Variants in IL5 observed in about 807,000 individuals in gnomAD.
IL5 encodes interleukin 5.
A neutral mutation model predicts 16.3 loss-of-function variants in IL5; 12 were observed. The observed-to-expected ratio is 0.74, with a 90% CI of 0.47 to 1.20. IL5 has a LOEUF of 1.20. Among genes scored for constraint, IL5 ranks in the 50% most tolerant of loss-of-function variants. IL5 has a pLI of 0.00. For missense variants in IL5, 159 were observed against 153.9 expected, an observed-to-expected ratio of 1.03 and a Z score of -0.17; for synonymous variants, 54 against 56.6, an observed-to-expected ratio of 0.95 and a Z score of 0.21.
At chr5:132,554,658 G>T (rs1437568325) in intron 1 of IL5, among the ~76,000 whole-genome samples, 1 of 152,142 alleles carries the variant, frequency 6.6e-6, no homozygotes, top group African/African-American at 2.4e-5. Flanking sequence ...ATTAAAAATT[G>T]AATTACTGTA....
chr5:132,552,999 A>T (rs1486295674), intron 1 of IL5, among the ~76,000 whole-genome samples: 1 of 152,000 alleles, frequency 6.6e-6, no homozygotes, highest in Non-Finnish European at 1.5e-5. Context: ...GAATTTTTTT[A>T]TTATCTAATT....
At chr5:132,552,527 C>A (rs1158529427) in intron 1 of IL5, among the ~76,000 whole-genome samples, 2 of 152,006 alleles carry the variant, frequency 1.3e-5, no homozygotes, top group Non-Finnish European at 2.9e-5. Context: ...TTTATAGTTT[C>A]CATTGTTACA....
intron 1 of IL5, among the ~76,000 whole-genome samples, chr5:132,549,184 T>C (rs537465569): frequency 2.2e-4 from 34 of 152,268 alleles, no homozygotes; most frequent in Non-Finnish European, 4.1e-4. Context: ...GCTTCCTGAG[T>C]AGCTGGGATT....
At chr5:132,548,190 G>A (rs1339076108), upstream of IL5, among the ~76,000 whole-genome samples, 3 of 151,136 alleles carry the variant, frequency 2.0e-5, no homozygotes, top group Non-Finnish European at 2.9e-5. Context: ...GGGCCCAAGA[G>A]TTTAAGACTA....
rs1749689493 is a variant in IL5, at chr5:132,541,559, T to C, written c.*252A>G. ...TTAAGTTAACAGACATTTTACAGAA[T>C]GTTAAGTTAAATAAGAAAAAAGTAT... On this transcript the variant is annotated 3_prime_UTR_variant, in exon 4 of 4. Coordinates refer to ENST00000231454, the MANE Select transcript of IL5 (RefSeq NM_000879.3). The C allele has an allele frequency of 5.3e-6, 2 of 376,816 alleles. No homozygotes were observed. Among genetic ancestry groups the C allele is most frequent in the African/African-American group, 2.1e-5 (1 of 47,302 alleles). 23.3% of individuals were successfully genotyped at this position (376,816 alleles called of 1,614,324 possible). A position where few individuals can be genotyped will look rare whatever the true frequency, so the allele number is the denominator to read the frequency against.
chr5:132,549,067 T>C (rs1032468739), intron 1 of IL5, among the ~76,000 whole-genome samples: 4 of 152,078 alleles, frequency 2.6e-5, no homozygotes, highest in African/African-American at 9.7e-5. Context: ...GTCTTTTTCT[T>C]TTTTTTGAGA....
At chr5:132,549,194 T>G (rs567766856) in intron 1 of IL5, among the ~76,000 whole-genome samples, 2 of 152,300 alleles carry the variant, frequency 1.3e-5, no homozygotes, top group East Asian at 3.9e-4. Flanking sequence ...TAGCTGGGAT[T>G]ACAGGCACCT....
At position 132,543,422 on chromosome 5, in the gene IL5, G is replaced by A; in HGVS notation, c.57C>T (p.Ala19=). The change falls in exon 1 of 4, where the codon GCC becomes GCT. Residue 19 remains alanine (A), a synonymous_variant. Coordinates refer to ENST00000231454, the MANE Select transcript of IL5 (RefSeq NM_000879.3). ...LLALGAAYVY[A]IPTEIPTSAL... is the part of the protein sequence containing the mutation. ...CACTTGTGGGAATTTCTGTGGGGAT[G>A]GCATACACGTAGGCAGCTCCAAGAG... 1.9e-6 allele frequency: 3 copies of A among 1,614,114 alleles called. No individual in the cohort carries two copies. The highest frequency in any genetic ancestry group is 2.5e-6 in the Non-Finnish European group (3 of 1,179,970).
Position 132,543,224 on chromosome 5 carries a change from A to G in IL5, c.145-98T>C, listed in dbSNP as rs922313565. ...GTGATGTAGTTATCACCCATGTACTAATGTGCTCAGAATCTTATTATTTAT... is the reference window on the plus strand; with the variant it reads ...GTGATGTAGTTATCACCCATGTACTGATGTGCTCAGAATCTTATTATTTAT... On this transcript the variant is annotated intron_variant, in intron 1 of 3. Coordinates refer to ENST00000231454, the MANE Select transcript of IL5 (RefSeq NM_000879.3). 5 of 1,398,364 alleles carry G rather than the reference A, an allele frequency of 3.6e-6. No individual in the cohort carries two copies. In the African/African-American group the frequency reaches 7.2e-5, roughly 20 times the overall value. 86.6% of individuals were successfully genotyped at this position (1,398,364 alleles called of 1,614,324 possible).
At position 132,541,897 on chromosome 5, in the gene IL5, C is replaced by T; in HGVS notation, c.319G>A (p.Glu107Lys). ...AATTGGTTTACTCTCCGTCTTTCTTCTCCACACTTTTTCTGTGAAAAAAGA... is the reference window on the plus strand; with the variant it reads ...AATTGGTTTACTCTCCGTCTTTCTTTTCCACACTTTTTCTGTGAAAAAAGA... ...YIDGQKKKCG[E>K]ERRRVNQFLD... Residue 107 changes from glutamate to lysine, a missense_variant, in exon 4 of 4, where the codon GAA (glutamate) becomes AAA (lysine). Physicochemically the swap from Glu to Lys is moderately conservative, Grantham distance 56. Coordinates refer to ENST00000231454, the MANE Select transcript of IL5 (RefSeq NM_000879.3). 3 of 1,613,766 alleles carry T rather than the reference C, an allele frequency of 1.9e-6. No individual in the cohort carries two copies. Among genetic ancestry groups the T allele is most frequent in the Non-Finnish European group, 2.5e-6 (3 of 1,179,750 alleles).
chr5:132,552,208 GC>G (rs1187494428), intron 1 of IL5, among the ~76,000 whole-genome samples: 1 of 152,172 alleles, frequency 6.6e-6, no homozygotes, highest in Non-Finnish European at 1.5e-5. Flanking sequence ...GGCAGAGGTT[GC>G]AGTGAGCCGA....
At chr5:132,551,452 G>C (rs1749881303) in intron 1 of IL5, among the ~76,000 whole-genome samples, 1 of 152,100 alleles carries the variant, frequency 6.6e-6, no homozygotes, top group South Asian at 2.1e-4. Flanking sequence ...GTCTGTGTGG[G>C]GTTTCTCTGG....
chr5:132,543,241 A>G (rs566899580), intron 1 of IL5, 94 bp downstream of exon 1: 6 of 1,411,644 alleles, frequency 4.3e-6, no homozygotes, highest in South Asian at 1.2e-5. Context: ...TCAGAATCTT[A>G]TTATTTATAA....
At chr5:132,552,590 T>C (rs569671658) in intron 1 of IL5, among the ~76,000 whole-genome samples, 2 of 152,340 alleles carry the variant, frequency 1.3e-5, no homozygotes, top group Admixed American at 1.3e-4. Context: ...GTCCATTTTT[T>C]TCCTTCAACT....
In IL5 at chr5:132,555,958, T is replaced by C. The variant is rs1294248326; in HGVS notation, c.42+716A>G. On this transcript the variant is annotated intron_variant, in intron 1 of 2. Coordinates refer to the IL5 transcript ENST00000450655. ...GTTTTGTTCCATTAGTTATTTTAAC[T>C]ATTTTGTAATAACTGACACTTTCCG... The C allele has an allele frequency of 2.1e-5, 3 of 141,154 alleles. No homozygotes were observed. In the East Asian group the frequency reaches 6.3e-4, roughly 30 times the overall value. 8.7% of individuals were successfully genotyped at this position (141,154 alleles called of 1,614,324 possible).
At chr5:132,545,407 C>A (rs1749767639), upstream of IL5, among the ~76,000 whole-genome samples, 1 of 152,114 alleles carries the variant, frequency 6.6e-6, no homozygotes, top group African/African-American at 2.4e-5. Flanking sequence ...AATCCCAGCA[C>A]TTTGGGAGGC....
chr5:132,553,505 T>C (rs556567754), intron 1 of IL5, among the ~76,000 whole-genome samples: 1 of 152,390 alleles, frequency 6.6e-6, no homozygotes, highest in East Asian at 1.9e-4. Flanking sequence ...ATTACATTTC[T>C]TGCTTCTTCT....
upstream of IL5, among the ~76,000 whole-genome samples, chr5:132,548,044 G>A (rs557167737): frequency 1.8e-3 from 279 of 152,234 alleles, 1 homozygote; most frequent in African/African-American, 6.2e-3. Flanking sequence ...ACTCTAGCCT[G>A]GGTGACAGAG....
intron 3 of IL5, 21 bp downstream of exon 3, chr5:132,541,994 C>T (rs765429226): frequency 1.2e-6 from 2 of 1,613,508 alleles, no homozygotes; most frequent in South Asian, 2.2e-5. Context: ...ATATAGCTTC[C>T]ATTGAATGTG....
Sources: gnomAD v4.1 joint callset for allele counts (sites outside exome capture counted in the v4.1 genomes callset) on GRCh38, gnomAD v4.1.1 for gene constraint, MANE v1.5 for transcripts, NCBI Gene and HGNC (gene_info 2026-07-23, HGNC 2026-07-21) for gene names.